DENND1A: variants seen among roughly 807,000 people sequenced by gnomAD.
The protein encoded by DENND1A is DENN domain-containing protein 1A.
In DENND1A, 51 loss-of-function variants were observed where a neutral mutation model predicts 113.7. The observed-to-expected ratio is 0.45, with a 90% confidence interval of 0.36 to 0.57. The LOEUF is 0.57. DENND1A is among the 20% of genes least tolerant of loss of function. DENND1A has a pLI of 0.00. For missense variants in DENND1A, 1,258 were observed against 1,395.9 expected (o/e 0.90, Z 1.57); for synonymous variants, 565 against 570.8 (o/e 0.99, Z 0.14).
At chr9:123,658,828 A>G (rs574711611) in intron 8 of DENND1A, among the ~76,000 whole-genome samples, 1 of 152,350 alleles carries the variant, frequency 6.6e-6, no homozygotes, top group South Asian at 2.1e-4. Flanking sequence ...AGGACATTTT[A>G]CCAAACGTTC....
At chr9:123,783,410 A>G (rs932627632) in intron 3 of DENND1A, among the ~76,000 whole-genome samples, 1 of 152,232 alleles carries the variant, frequency 6.6e-6, no homozygotes. Context: ...AAAGGTTATC[A>G]TACACAACCC....
intron 12 of DENND1A, among the ~76,000 whole-genome samples, chr9:123,582,929 C>T (rs1354910218): frequency 6.8e-6 from 1 of 148,100 alleles, no homozygotes; most frequent in Non-Finnish European, 1.5e-5. Flanking sequence ...GAACTCCTGA[C>T]CTCAGGTGAT....
intron 9 of DENND1A, among the ~76,000 whole-genome samples, chr9:123,638,308 T>C (rs924456183): frequency 1.3e-5 from 2 of 152,052 alleles, no homozygotes; most frequent in African/African-American, 4.8e-5. Context: ...TCTTTCCTCT[T>C]TAAGATGAAA....
At chr9:123,912,915 C>T (rs1197335185) in intron 1 of DENND1A, among the ~76,000 whole-genome samples, 6 of 152,048 alleles carry the variant, frequency 3.9e-5, no homozygotes, top group Non-Finnish European at 8.8e-5. Context: ...TTACCCCACC[C>T]AGCCATGGAG....
At chr9:123,689,818 A>T (rs1475061342) in intron 5 of DENND1A, among the ~76,000 whole-genome samples, 1 of 151,792 alleles carries the variant, frequency 6.6e-6, no homozygotes, top group African/African-American at 2.4e-5. Context: ...AAAAAATACA[A>T]AAGTTAGCTG....
At chr9:123,438,486 A>G (rs568014428) in intron 19 of DENND1A, among the ~76,000 whole-genome samples, 18 of 152,350 alleles carry the variant, frequency 1.2e-4, no homozygotes, top group South Asian at 2.1e-4. Context: ...GCACGTCTCA[A>G]TTAAGGCATC....
chr9:123,630,914 T>C (rs558061361), intron 9 of DENND1A, among the ~76,000 whole-genome samples: 1 of 152,300 alleles, frequency 6.6e-6, no homozygotes, highest in African/African-American at 2.4e-5. Flanking sequence ...TAATGATGCT[T>C]TAAAGGCACA....
In DENND1A at chr9:123,890,313, AG is replaced by A. The variant is rs1849714803; in HGVS notation, c.18-11293del. 2.0e-5 allele frequency among the ~76,000 whole-genome samples: 3 copies of A among 152,352 alleles called. No homozygotes were observed. In the South Asian group the frequency reaches 6.2e-4, roughly 32 times the overall value. ...TGGTGGGCCACAGACTTCTCTGAGG[AG>A]GCCATGAAAAGCTTCACCATCTCCC... is the stretch of plus-strand genomic sequence containing the variant. On this transcript the variant is annotated intron_variant, in intron 1 of 23. Transcript: ENST00000394215.
chr9:123,670,616 G>A (rs2063718512), intron 7 of DENND1A, among the ~76,000 whole-genome samples: 1 of 152,166 alleles, frequency 6.6e-6, no homozygotes, highest in Admixed American at 6.5e-5. Flanking sequence ...ATATTTATAG[G>A]CATTCAAAGA....
intron 5 of DENND1A, among the ~76,000 whole-genome samples, chr9:123,728,836 T>C (rs1412277996): frequency 4.6e-5 from 7 of 152,084 alleles, no homozygotes; most frequent in Admixed American, 1.3e-4. Flanking sequence ...CAGGCCAATA[T>C]CGCTGATGAA....
chr9:123,510,815 A>T (rs370818057), intron 13 of DENND1A, among the ~76,000 whole-genome samples: 1 of 152,232 alleles, frequency 6.6e-6, no homozygotes, highest in South Asian at 2.1e-4. Flanking sequence ...ATAAGAAAAC[A>T]TTCCTAAAAA....
chr9:123,662,039 C>T (rs1216306909), intron 8 of DENND1A, among the ~76,000 whole-genome samples: 1 of 152,116 alleles, frequency 6.6e-6, no homozygotes, highest in African/African-American at 2.4e-5. Flanking sequence ...AATGGAACCA[C>T]CAAGTGCCCA....
At chr9:123,770,419 A>G (rs1437232150) in intron 3 of DENND1A, among the ~76,000 whole-genome samples, 1 of 152,190 alleles carries the variant, frequency 6.6e-6, no homozygotes, top group Admixed American at 6.5e-5. Flanking sequence ...GACACACAAT[A>G]AACAGTGGTG....
chr9:123,755,380 G>C (rs1285242445), intron 5 of DENND1A, among the ~76,000 whole-genome samples: 1 of 151,816 alleles, frequency 6.6e-6, no homozygotes, highest in African/African-American at 2.4e-5. Context: ...CTGACCTCAG[G>C]TGATCTGCCC....
chr9:123,409,544 G>C (rs530707912), intron 20 of DENND1A, among the ~76,000 whole-genome samples: 1 of 151,496 alleles, frequency 6.6e-6, no homozygotes, highest in South Asian at 2.1e-4. Flanking sequence ...AGAGAGCTTG[G>C]AATACTGGCA....
At chr9:123,515,043 C>T (rs2053786686) in intron 13 of DENND1A, among the ~76,000 whole-genome samples, 1 of 152,178 alleles carries the variant, frequency 6.6e-6, no homozygotes, top group Non-Finnish European at 1.5e-5. Context: ...GGTCTGGACT[C>T]TTCAAAAATG....
chr9:123,821,452 C>T (rs976180959), intron 2 of DENND1A, among the ~76,000 whole-genome samples: 2 of 152,212 alleles, frequency 1.3e-5, no homozygotes, highest in Non-Finnish European at 2.9e-5. Context: ...GCTTACTAGT[C>T]TGTCATGGCT....
intron 10 of DENND1A, among the ~76,000 whole-genome samples, chr9:123,613,178 A>G (rs1197948833): frequency 6.6e-6 from 1 of 152,210 alleles, no homozygotes; most frequent in Non-Finnish European, 1.5e-5. Context: ...CACTCTCGTC[A>G]GGAGGGTGCC....
chr9:123,771,164 C>G (rs1829666204), intron 3 of DENND1A, among the ~76,000 whole-genome samples: 1 of 152,108 alleles, frequency 6.6e-6, no homozygotes, highest in South Asian at 2.1e-4. Flanking sequence ...ATGTGGCATT[C>G]AGGCATATAT....
Sources: allele counts gnomAD v4.1 joint callset (sites outside exome capture counted in the v4.1 genomes callset), GRCh38; gene constraint gnomAD v4.1.1; transcripts MANE v1.5; gene names NCBI Gene and HGNC (gene_info 2026-07-23, HGNC 2026-07-21).